The following ALPL variants were observed in gnomAD, a reference collection of about 807,000 sequenced individuals.
ALPL encodes the protein alkaline phosphatase, tissue-nonspecific isozyme.
A neutral mutation model predicts 51.3 loss-of-function variants in ALPL; 42 were observed. The ratio of observed to expected loss-of-function variants is 0.82; its 90% CI spans 0.64 to 1.06. The LOEUF (loss-of-function observed/expected upper bound fraction) is 1.06, where lower values mean the gene tolerates loss of function less well. ALPL is among the 50% of genes least tolerant of loss of function. ALPL has a pLI of 0.00. For synonymous variants in ALPL, 279 were observed against 296.4 expected, an observed-to-expected ratio of 0.94 and a Z score of 0.60; for missense variants, 589 against 709.4, an observed-to-expected ratio of 0.83 and a Z score of 1.93.
Position 21,577,628 on chromosome 1 carries a change from C to G in ALPL, c.1555C>G (p.Pro519Ala), listed in dbSNP as rs775398905. ...GPLLLALALY[P>A]LSVLF is the part of the protein sequence containing the mutation. ...CCTGCTGCTCGCGCTGGCCCTCTAC[C>G]CCCTGAGCGTCCTGTTCTGAGGGCC... Residue 519 changes from proline (P) to alanine (A), a missense_variant, in exon 12 of 12, where the codon CCC becomes GCC. Pro to Ala is a conservative substitution (Grantham distance 27, BLOSUM62 -1). Coordinates refer to ENST00000374840, the MANE Select transcript of ALPL (RefSeq NM_000478.6). The G allele has an allele frequency of 6.3e-7, 1 of 1,598,772 alleles. No individual in the cohort carries two copies.
rs141073645 is a variant in ALPL, at chr1:21,556,696, T to A, written c.61+2554T>A. Among the ~76,000 whole-genome samples, 1,325 of 152,232 alleles carry A rather than the reference T, an allele frequency of 8.7e-3. 31 individuals are homozygous for A. The highest frequency in any genetic ancestry group is 0.03 in the African/African-American group (1,262 of 41,540). ...GCTCACGCCTGTAATCCCAGCACTT[T>A]GGGAGGCCGAGGTAGGTGGATCACT... On this transcript the variant is annotated intron_variant, in intron 2 of 11. Transcript: ENST00000374840.
intron 1 of ALPL, among the ~76,000 whole-genome samples, chr1:21,524,035 G>A (rs1553405991): frequency 1.7e-5 from 2 of 119,160 alleles, no homozygotes; most frequent in East Asian, 2.3e-4. Flanking sequence ...ATGGAGTCTC[G>A]CTCTGTCGCC....
chr1:21,535,624 AGAAAG>A (rs2148099967), intron 1 of ALPL, among the ~76,000 whole-genome samples: 1 of 152,260 alleles, frequency 6.6e-6, no homozygotes, highest in Non-Finnish European at 1.5e-5. Flanking sequence ...CAAAAAAAAA[AGAAAG>A]GAGAGTGAAG....
chr1:21,509,783 G>C lies in ALPL; in HGVS notation c.-105+266G>C, dbSNP rs1307343657. On this transcript the variant is annotated intron_variant, in intron 1 of 11. Transcript: ENST00000374840. This position sits in a 1 kb window ranked among gnomAD's most constrained non-coding sequence, Gnocchi z 6.0. ...GCCCGCGGAGCCGGCGAACTCAGGG[G>C]ACCGCGCTCGGGACCGCCCTGCAGT... Among the ~76,000 whole-genome samples, 1 of 152,162 alleles carries C rather than the reference G, an allele frequency of 6.6e-6. No homozygotes were observed. Among genetic ancestry groups the C allele is most frequent in the Non-Finnish European group, 1.5e-5 (1 of 68,024 alleles).
At chr1:21,536,829 G>A (rs971749460) in intron 1 of ALPL, among the ~76,000 whole-genome samples, 59 of 151,942 alleles carry the variant, frequency 3.9e-4, no homozygotes, top group Admixed American at 1.5e-3. Flanking sequence ...TCACCAGAGG[G>A]AGTGCAGTGG....
intron 1 of ALPL, among the ~76,000 whole-genome samples, chr1:21,528,342 G>GTTT (rs11368122): frequency 3.8e-4 from 43 of 111,924 alleles, no homozygotes; most frequent in African/African-American, 7.0e-4. Flanking sequence ...GACCTATTCA[G>GTTT]TTTTTTTTTT....
intron 1 of ALPL, among the ~76,000 whole-genome samples, chr1:21,512,744 C>T (rs1643714684): frequency 6.6e-6 from 1 of 152,168 alleles, no homozygotes; most frequent in Admixed American, 6.5e-5. Flanking sequence ...CCCCCGCCAA[C>T]ACTTCGTTAA....
chr1:21,540,090 C>T (rs1053211002), intron 1 of ALPL, among the ~76,000 whole-genome samples: 5 of 152,136 alleles, frequency 3.3e-5, no homozygotes, highest in African/African-American at 7.2e-5. Context: ...AGATGTAGTG[C>T]GTGCGCCACC....
intron 1 of ALPL, among the ~76,000 whole-genome samples, chr1:21,543,566 G>A (rs1304361047): frequency 6.6e-5 from 10 of 152,078 alleles, no homozygotes; most frequent in Non-Finnish European, 4.4e-5. Context: ...CAGCCTTGGC[G>A]ACAAGAGTGA....
intron 1 of ALPL, among the ~76,000 whole-genome samples, chr1:21,510,836 C>G (rs1643672652): frequency 6.6e-6 from 1 of 152,214 alleles, no homozygotes; most frequent in Non-Finnish European, 1.5e-5. Flanking sequence ...CATCCCACTC[C>G]CTGGCCCCAT....
At position 21,535,277 on chromosome 1, in the gene ALPL, T is replaced by C. The variant is rs532459411; in HGVS notation, c.-104-18701T>C. Among the ~76,000 whole-genome samples, 6 of 152,264 alleles carry C rather than the reference T, an allele frequency of 3.9e-5. No individual in the cohort carries two copies. In the South Asian group the frequency reaches 1.0e-3, roughly 26 times the overall value. On this transcript the variant is annotated intron_variant, in intron 1 of 11. Transcript: ENST00000374840. ...TGGGGTCTGGATTTCAGGGCAGTGC[T>C]GGTTTCCTCTCTGGCCACAGCCTGC...
chr1:21,549,945 C>T (rs1357709015), intron 1 of ALPL, among the ~76,000 whole-genome samples: 1 of 152,130 alleles, frequency 6.6e-6, no homozygotes, highest in Non-Finnish European at 1.5e-5. Flanking sequence ...CTGATAAAAC[C>T]GAAGAACTCT....
At chr1:21,573,134 G>A (rs1044360099) in intron 8 of ALPL, among the ~76,000 whole-genome samples, 1 of 152,212 alleles carries the variant, frequency 6.6e-6, no homozygotes, top group African/African-American at 2.4e-5. Flanking sequence ...TGGTGGGAAT[G>A]AAAATGAAAG....
rs1315867038 is a variant in ALPL, at chr1:21,560,616, CTG to C, written c.62-6_62-5del. On this transcript the variant is annotated splice_region_variant and splice_polypyrimidine_tract_variant and intron_variant, in intron 2 of 11. Transcript: ENST00000374840. ...TACCCCGCCAAGTAACTGCCTCTCT[CTG>C]TGTTTAGAGAAAGAGAAAGACCCCA... is the stretch of plus-strand genomic sequence containing the variant. 1.2e-6 allele frequency: 2 copies of C among 1,613,942 alleles called. No homozygotes were observed. The highest frequency in any genetic ancestry group is 1.3e-5 in the African/African-American group (1 of 74,908).
In ALPL at chr1:21,520,466, CTTTTTTTTTT is replaced by C. The variant is rs35922763; in HGVS notation, c.-105+10959_-105+10968del. 1.6e-4 allele frequency among the ~76,000 whole-genome samples: 18 copies of C among 111,466 alleles called. No individual in the cohort carries two copies. In the East Asian group the frequency reaches 3.9e-3, roughly 24 times the overall value. 73.1% of individuals were successfully genotyped at this position (111,466 alleles called of 152,430 possible). On this transcript the variant is annotated intron_variant, in intron 1 of 11. Coordinates refer to ENST00000374840, the MANE Select transcript of ALPL (RefSeq NM_000478.6). ...GTTTTTAAAGCCATTTCTTTTTTCT[CTTTTTTTTTT>C]TTTTTTTTTGAGACGGAGTCTCGCC...
chr1:21,576,044 T>G (rs1570305687), intron 10 of ALPL, 120 bp downstream of exon 10: 1 of 1,247,780 alleles, frequency 8.0e-7, no homozygotes, highest in Non-Finnish European at 1.2e-6. Flanking sequence ...GACAACTGGG[T>G]GGGGAGGAAG....
chr1:21,573,666 TCTCTTCGAGCCAGGGGACATG>T lies in ALPL; in HGVS notation c.866_886del (p.Leu289_Met295del). ...ACATCCTCCTGGCGTCCTCCTCAGG[TCTCTTCGAGCCAGGGGACATG>T]CAGTACGAGCTGAACAGGAACAACG... On this transcript the variant is annotated inframe_deletion and splice_region_variant, in exon 9 of 12. Transcript: ENST00000374840. The T allele has an allele frequency of 6.2e-7, 1 of 1,613,510 alleles. No homozygotes were observed. Among genetic ancestry groups the T allele is most frequent in the Non-Finnish European group, 8.5e-7 (1 of 1,179,904 alleles).
intron 2 of ALPL, among the ~76,000 whole-genome samples, chr1:21,554,781 C>T (rs530356536): frequency 6.7e-5 from 10 of 150,148 alleles, no homozygotes; most frequent in South Asian, 2.1e-4. Context: ...TGAGCCACCG[C>T]GCCTGGCCTG....
intron 1 of ALPL, among the ~76,000 whole-genome samples, chr1:21,549,847 C>T (rs1413249074): frequency 1.3e-5 from 2 of 152,132 alleles, no homozygotes; most frequent in Middle Eastern, 3.2e-3. Flanking sequence ...GATTCAGAGT[C>T]CAGAATGCTA....
Sources: gnomAD v4.1 joint callset for allele counts (sites outside exome capture counted in the v4.1 genomes callset) on GRCh38, gnomAD v4.1.1 for gene constraint, Gnocchi (gnomAD v3.1) non-coding constraint, MANE v1.5 for transcripts, NCBI Gene and HGNC (gene_info 2026-07-23, HGNC 2026-07-21) for gene names.